The following CNTLN variants were observed in gnomAD, a reference collection of about 807,000 sequenced individuals.
CNTLN encodes centlein, centrosomal protein.
In CNTLN, 212 loss-of-function variants were observed where a neutral mutation model predicts 180.0. That is an observed-to-expected ratio of 1.18 (90% CI 1.05 to 1.32). The LOEUF (loss-of-function observed/expected upper bound fraction) is 1.32. Ranked by LOEUF, CNTLN falls within the 40% of genes most tolerant of loss-of-function variation. The pLI is 0.00. For missense variants in CNTLN, 2,095 were observed against 1,610.9 expected (o/e 1.30, Z -5.14); for synonymous variants, 722 against 563.1 (o/e 1.28, Z -3.99).
intron 2 of CNTLN, among the ~76,000 whole-genome samples, chr9:17,183,773 A>G (rs1044752767): frequency 5.3e-5 from 8 of 152,122 alleles, no homozygotes; most frequent in Admixed American, 6.5e-5. Flanking sequence ...TAAACATGAA[A>G]TACACTTCTG....
intron 5 of CNTLN, among the ~76,000 whole-genome samples, chr9:17,249,020 C>A (rs1825966882): frequency 6.6e-6 from 1 of 152,016 alleles, no homozygotes; most frequent in East Asian, 1.9e-4. Flanking sequence ...AAATAAACTT[C>A]TGCTTTGATT....
chr9:17,466,580 A>C, intron 22 of CNTLN, 126 bp from the exon 23 acceptor site: 1 of 725,438 alleles, frequency 1.4e-6, no homozygotes, highest in Non-Finnish European at 2.2e-6. Context: ...ATAATCATTA[A>C]TTTTACCCAA....
At chr9:17,430,476 A>G (rs959535535) in intron 18 of CNTLN, among the ~76,000 whole-genome samples, 1 of 152,050 alleles carries the variant, frequency 6.6e-6, no homozygotes, top group Non-Finnish European at 1.5e-5. Context: ...TGTTACATGC[A>G]TACAATGTGA....
intron 5 of CNTLN, among the ~76,000 whole-genome samples, chr9:17,264,496 C>T (rs1286596542): frequency 6.7e-6 from 1 of 149,544 alleles, no homozygotes; most frequent in East Asian, 2.1e-4. Context: ...CAGCTTTGTT[C>T]TTTTGGCTTA....
chr9:17,190,569 G>A (rs1447440902), intron 2 of CNTLN, among the ~76,000 whole-genome samples: 2 of 151,908 alleles, frequency 1.3e-5, no homozygotes, highest in African/African-American at 4.8e-5. Flanking sequence ...TCAAATATCC[G>A]CCTCCTAATG....
At chr9:17,511,502 G>T in the CNTLN span, among the ~76,000 whole-genome samples, 89 of 152,302 alleles carry the variant, frequency 5.8e-4, no homozygotes, top group Non-Finnish European at 1.0e-3. Context: ...CCATATGGCT[G>T]TTGGCAGGAT....
At chr9:17,293,410 C>T (rs1005285584) in intron 6 of CNTLN, among the ~76,000 whole-genome samples, 1 of 152,206 alleles carries the variant, frequency 6.6e-6, no homozygotes, top group Admixed American at 6.5e-5. Flanking sequence ...CTGTGGCTGC[C>T]TCTCCCACTA....
At chr9:17,347,421 C>G (rs1821988628) in intron 12 of CNTLN, among the ~76,000 whole-genome samples, 4 of 152,100 alleles carry the variant, frequency 2.6e-5, no homozygotes, top group Admixed American at 2.6e-4. Flanking sequence ...GTAATCCCAG[C>G]ACTTTGGGAG....
At chr9:17,337,401 TG>T (rs1821126162) in intron 10 of CNTLN, among the ~76,000 whole-genome samples, 1 of 152,230 alleles carries the variant, frequency 6.6e-6, no homozygotes, top group African/African-American at 2.4e-5. Flanking sequence ...GTGTCCTGAA[TG>T]GTATTGCATA....
intron 5 of CNTLN, among the ~76,000 whole-genome samples, chr9:17,267,865 T>C (rs540548988): frequency 6.6e-6 from 1 of 152,334 alleles, no homozygotes; most frequent in South Asian, 2.1e-4. Flanking sequence ...ACGTAGCTCT[T>C]GTGCCTTGGT....
chr9:17,469,169 G>T (rs1443096082), intron 23 of CNTLN, among the ~76,000 whole-genome samples: 2 of 151,624 alleles, frequency 1.3e-5, no homozygotes, highest in Admixed American at 1.3e-4. Context: ...ACAAGTTAAC[G>T]AAGTGATTAT....
intron 14 of CNTLN, among the ~76,000 whole-genome samples, chr9:17,392,480 G>C (rs1826187258): frequency 1.3e-5 from 2 of 152,076 alleles, no homozygotes; most frequent in Admixed American, 6.6e-5. Flanking sequence ...TTTTTTTCTT[G>C]AACACTGTAT....
At chr9:17,521,101 G>A in the CNTLN span, among the ~76,000 whole-genome samples, 1 of 152,138 alleles carries the variant, frequency 6.6e-6, no homozygotes, top group African/African-American at 2.4e-5. Flanking sequence ...CAAGGCACGA[G>A]ATAATTATCA....
At chr9:17,299,440 T>C in intron 7 of CNTLN, 2 of 976,322 alleles carry the variant, frequency 2.0e-6, no homozygotes, top group Non-Finnish European at 2.4e-6. Context: ...GATTTTTACT[T>C]CTGATCTTAC....
At chr9:17,440,145 G>T (rs186118205) in intron 18 of CNTLN, among the ~76,000 whole-genome samples, 86 of 152,276 alleles carry the variant, frequency 5.6e-4, no homozygotes, top group Admixed American at 1.0e-3. Context: ...TAGAGAAATT[G>T]TAACCTTCAT....
intron 2 of CNTLN, among the ~76,000 whole-genome samples, chr9:17,152,465 C>A (rs1220734338): frequency 6.6e-6 from 1 of 152,088 alleles, no homozygotes; most frequent in Non-Finnish European, 1.5e-5. Context: ...TGTATTTGTG[C>A]AGTGTTGAGT....
intron 12 of CNTLN, among the ~76,000 whole-genome samples, chr9:17,343,014 C>T (rs917028246): frequency 1.3e-5 from 2 of 152,176 alleles, no homozygotes; most frequent in South Asian, 2.1e-4. Context: ...GCAGAAGACA[C>T]AAGGGAATTG....
chr9:17,210,585 G>T (rs967489714), intron 2 of CNTLN, among the ~76,000 whole-genome samples: 2 of 152,084 alleles, frequency 1.3e-5, no homozygotes, highest in African/African-American at 4.8e-5. Context: ...ACCCAGTAAT[G>T]GGATGAGTCA....
intron 18 of CNTLN, among the ~76,000 whole-genome samples, chr9:17,446,377 A>G (rs946653379): frequency 2.6e-5 from 4 of 152,176 alleles, no homozygotes; most frequent in Admixed American, 6.5e-5. Context: ...GATGTAATTC[A>G]TATTTAGGAT....
Sources: gnomAD v4.1 joint callset for allele counts (sites outside exome capture counted in the v4.1 genomes callset) on GRCh38, gnomAD v4.1.1 for gene constraint, MANE v1.5 for transcripts, NCBI Gene and HGNC (gene_info 2026-07-23, HGNC 2026-07-21) for gene names.